The following FRMD5 variants were observed in gnomAD, a reference collection of about 807,000 sequenced individuals.
FRMD5 encodes the protein FERM domain containing 5.
FRMD5 carries 20 observed loss-of-function variants against 69.0 expected under a neutral mutation model. The observed-to-expected ratio is 0.29, with a 90% confidence interval of 0.20 to 0.42. FRMD5 has a LOEUF of 0.42. FRMD5 is among the 10% of genes least tolerant of loss of function. The probability of loss-of-function intolerance (pLI) is 1.00; values close to 1 mark genes in which losing one functional copy is unlikely to be tolerated. For missense variants in FRMD5, 595 were observed against 708.6 expected (o/e 0.84, Z 1.82); for synonymous variants, 271 against 260.1 (o/e 1.04, Z -0.40).
At chr15:43,875,812 T>TTG in intron 13 of FRMD5, 1 of 370,054 alleles carries the variant, frequency 2.7e-6, no homozygotes, top group Non-Finnish European at 4.9e-6. Context: ...TAGTTTTTTT[T>TTG]TTTTTTTTTT....
chr15:43,882,548 G>A (rs1282169707), intron 13 of FRMD5, among the ~76,000 whole-genome samples: 2 of 151,872 alleles, frequency 1.3e-5, no homozygotes, highest in Non-Finnish European at 2.9e-5. Context: ...TAGTAGAGAC[G>A]GGGTTTCACC....
At chr15:44,010,452 C>T (rs1189530167) in intron 1 of FRMD5, among the ~76,000 whole-genome samples, 1 of 148,050 alleles carries the variant, frequency 6.8e-6, no homozygotes, top group Non-Finnish European at 1.5e-5. Flanking sequence ...AGCTGGAGTG[C>T]AGTGGCACGA....
At chr15:43,932,225 T>C (rs748682504) in intron 1 of FRMD5, among the ~76,000 whole-genome samples, 2 of 152,196 alleles carry the variant, frequency 1.3e-5, no homozygotes, top group African/African-American at 4.8e-5. Flanking sequence ...GTCAATGCAC[T>C]CAAGGAACAG....
At chr15:44,082,723 A>G (rs1894045403) in intron 1 of FRMD5, among the ~76,000 whole-genome samples, 1 of 152,006 alleles carries the variant, frequency 6.6e-6, no homozygotes, top group Non-Finnish European at 1.5e-5. Context: ...ATACATTTCA[A>G]TTTGCAAGCT....
intron 1 of FRMD5, among the ~76,000 whole-genome samples, chr15:43,958,467 C>A (rs562536965): frequency 6.6e-6 from 1 of 152,280 alleles, no homozygotes; most frequent in African/African-American, 2.4e-5. Flanking sequence ...CTCTGTCGCC[C>A]AGGAGCGCAG....
At chr15:44,161,713 C>T (rs2077618457) in intron 1 of FRMD5, among the ~76,000 whole-genome samples, 2 of 152,232 alleles carry the variant, frequency 1.3e-5, no homozygotes, top group South Asian at 4.2e-4. Flanking sequence ...ATGCAGCTGA[C>T]CTCATCTACC....
intron 11 of FRMD5, 98 bp downstream of exon 11, chr15:43,885,583 C>T (rs942056273): frequency 4.0e-6 from 4 of 1,008,684 alleles, no homozygotes; most frequent in Non-Finnish European, 6.3e-6. Flanking sequence ...TTTCTGAGTC[C>T]TCCCTGGTTT....
intron 1 of FRMD5, among the ~76,000 whole-genome samples, chr15:44,078,014 T>TA (rs1242629484): frequency 6.6e-6 from 1 of 152,068 alleles, no homozygotes; most frequent in African/African-American, 2.4e-5. Flanking sequence ...CATTGCAGAA[T>TA]AAAATCCCCA....
At chr15:44,107,866 C>T (rs1349356678) in intron 1 of FRMD5, among the ~76,000 whole-genome samples, 3 of 152,166 alleles carry the variant, frequency 2.0e-5, no homozygotes, top group Non-Finnish European at 4.4e-5. Flanking sequence ...TATATCATTG[C>T]TCCTACAGCA....
intron 1 of FRMD5, among the ~76,000 whole-genome samples, chr15:44,018,048 T>A (rs1891050246): frequency 6.6e-6 from 1 of 152,208 alleles, no homozygotes; most frequent in Non-Finnish European, 1.5e-5. Context: ...ACTCTGCACA[T>A]CTATATTAGC....
chr15:43,876,624 T>G (rs1025514473), intron 13 of FRMD5, among the ~76,000 whole-genome samples: 8 of 152,202 alleles, frequency 5.3e-5, no homozygotes, highest in African/African-American at 1.9e-4. Context: ...TACAGCATCT[T>G]GAGCTTATAA....
At chr15:44,104,877 G>A (rs1327760471) in intron 1 of FRMD5, among the ~76,000 whole-genome samples, 2 of 151,860 alleles carry the variant, frequency 1.3e-5, no homozygotes, top group Non-Finnish European at 2.9e-5. Context: ...TTAACATAAC[G>A]TTTTCGAGGC....
intron 1 of FRMD5, among the ~76,000 whole-genome samples, chr15:44,106,353 C>G (rs533721452): frequency 6.6e-6 from 1 of 152,284 alleles, no homozygotes; most frequent in South Asian, 2.1e-4. Context: ...AACTGACTCT[C>G]TAAGAACTGT....
At chr15:44,045,268 T>G (rs1892377927) in intron 1 of FRMD5, among the ~76,000 whole-genome samples, 1 of 152,212 alleles carries the variant, frequency 6.6e-6, no homozygotes, top group South Asian at 2.1e-4. Context: ...AAGTAAATAA[T>G]TAGCAAATTC....
chr15:43,932,155 CTT>C (rs2089686464), intron 1 of FRMD5, among the ~76,000 whole-genome samples: 2 of 152,204 alleles, frequency 1.3e-5, no homozygotes, highest in Admixed American at 1.3e-4. Context: ...TCCTCAGCCT[CTT>C]GAGACCTCTT....
At chr15:43,890,639 A>G (rs1447282974) in intron 8 of FRMD5, among the ~76,000 whole-genome samples, 2 of 152,170 alleles carry the variant, frequency 1.3e-5, no homozygotes, top group African/African-American at 2.4e-5. Context: ...GGAGATTGCA[A>G]ATCCTCACAT....
chr15:43,964,472 C>T (rs1324772455), intron 1 of FRMD5, among the ~76,000 whole-genome samples: 1 of 150,110 alleles, frequency 6.7e-6, no homozygotes, highest in Non-Finnish European at 1.5e-5. Context: ...CAGAGTGAGA[C>T]CCTGTTTCAA....
intron 6 of FRMD5, among the ~76,000 whole-genome samples, chr15:43,903,447 T>C (rs1490770266): frequency 6.6e-6 from 1 of 152,188 alleles, no homozygotes; most frequent in Non-Finnish European, 1.5e-5. Flanking sequence ...CTGGAAAATA[T>C]ATGAAGAAAC....
chr15:44,139,699 T>A (rs1325433048), intron 1 of FRMD5, among the ~76,000 whole-genome samples: 2 of 112,102 alleles, frequency 1.8e-5, no homozygotes, highest in African/African-American at 6.9e-5. Flanking sequence ...GAGACCAGCC[T>A]GGGCAATAAA....
Sources: gnomAD v4.1 joint callset for allele counts (sites outside exome capture counted in the v4.1 genomes callset) on GRCh38, gnomAD v4.1.1 for gene constraint, MANE v1.5 for transcripts, NCBI Gene and HGNC (gene_info 2026-07-23, HGNC 2026-07-21) for gene names.